Variants in ECD observed in about 807,000 individuals in gnomAD.
ECD encodes the protein protein ecdysoneless homolog.
In ECD, 59 loss-of-function variants were observed where a neutral mutation model predicts 77.2. That is an observed-to-expected ratio of 0.76 (90% CI 0.62 to 0.95). The LOEUF (loss-of-function observed/expected upper bound fraction) is 0.95. ECD is among the 40% of genes least tolerant of loss of function. The pLI, the probability that ECD is intolerant of heterozygous loss-of-function variation, is 0.00. For synonymous variants in ECD, 233 were observed against 267.4 expected, an observed-to-expected ratio of 0.87 and a Z score of 1.26; for missense variants, 704 against 763.4, an observed-to-expected ratio of 0.92 and a Z score of 0.92.
At chr10:73,138,953 T>C (rs58408264) in intron 11 of ECD, among the ~76,000 whole-genome samples, 23,832 of 152,004 alleles carry the variant, frequency 0.16, 3,089 homozygotes, top group African/African-American at 0.33. Context: ...TCTGATGAAT[T>C]CCTTTTTCAG....
At chr10:73,145,847 G>T (rs945223968) in intron 9 of ECD, among the ~76,000 whole-genome samples, 9 of 152,040 alleles carry the variant, frequency 5.9e-5, no homozygotes, top group Admixed American at 5.2e-4. Flanking sequence ...GTTTCACCAT[G>T]TTGACCAGGA....
At chr10:73,140,742 TTCCTTTTTG>T (rs757537239) in intron 9 of ECD, among the ~76,000 whole-genome samples, 6 of 150,794 alleles carry the variant, frequency 4.0e-5, no homozygotes, top group Non-Finnish European at 8.8e-5. Flanking sequence ...ACAATTGGCC[TTCCTTTTTG>T]GCTCTGAAGC....
chr10:73,161,081 C>T (rs1448651301), intron 2 of ECD, among the ~76,000 whole-genome samples: 4 of 151,680 alleles, frequency 2.6e-5, no homozygotes, highest in Non-Finnish European at 4.4e-5. Flanking sequence ...GCACATCATA[C>T]CAAAACTTAA....
At position 73,136,980 on chromosome 10, in the gene ECD, TTATTA is replaced by T. The variant is rs201836197; in HGVS notation, c.1490-67_1490-63del. On this transcript the variant is annotated intron_variant, in intron 12 of 13. Coordinates refer to ENST00000372979, the MANE Select transcript of ECD (RefSeq NM_007265.3). Reference sequence around the variant, plus strand: ...ATTATTATTATTATTATTATTATTATTATTATTTAGTTACTACACATCTCAAAATA... The same window carrying T: ...ATTATTATTATTATTATTATTATTATTTTAGTTACTACACATCTCAAAATA... 0.024 allele frequency: 21,553 copies of T among 916,732 alleles called. 2,649 individuals carry two copies. The African/African-American group carries it at 0.29, about 12-fold the overall frequency. 56.8% of individuals were successfully genotyped at this position (916,732 alleles called of 1,614,324 possible). A position where few individuals can be genotyped will look rare whatever the true frequency, so the allele number is the denominator to read the frequency against.
rs1843294578 is a variant in ECD, at chr10:73,156,277, T to G, written c.588A>C (p.Arg196Ser). The G allele has an allele frequency of 1.3e-6, 2 of 1,576,706 alleles. No individual in the cohort carries two copies. The highest frequency in any genetic ancestry group is 2.0e-5 in the Admixed American group (1 of 51,136). The change falls in exon 5 of 14, where the codon AGA (arginine) becomes AGC (serine). Residue 196 changes from arginine (R) to serine (S), a missense_variant and splice_region_variant. Around this residue, in one of 3 missense-constraint regions of ECD, gnomAD observed 559 missense variants for 583.7 expected, o/e 0.96. Transcript: ENST00000372979. ...SIRAAVNRRI[R>S]GYPEKIQASL... ...AATGAAAGTGATATTTTTCTTACCC[T>G]CTGATGCGCCTATTCACAGCAGCTC... is the stretch of plus-strand genomic sequence containing the variant.
At position 73,160,504 on chromosome 10, in the gene ECD, T is replaced by A. The variant is rs766465445; in HGVS notation, c.253A>T (p.Ile85Phe). 1.9e-6 allele frequency: 3 copies of A among 1,612,060 alleles called. No homozygotes were observed. The highest frequency in any genetic ancestry group is 4.5e-5 in the East Asian group (2 of 44,826). Residue 85 changes from isoleucine to phenylalanine, a missense_variant, in exon 3 of 14, where the codon ATT becomes TTT. Physicochemically the swap from Ile to Phe is conservative, Grantham distance 21. Coordinates refer to ENST00000372979, the MANE Select transcript of ECD (RefSeq NM_007265.3). The part of the protein sequence containing the change: ...MFGVTKFGDN[I>F]EDEWFIVYVI... ...TAAACAATAAACCATTCATCCTCAATGTTATCCCCAAACTTTGTCACGCCA... is the reference window on the plus strand; with the variant it reads ...TAAACAATAAACCATTCATCCTCAAAGTTATCCCCAAACTTTGTCACGCCA...
chr10:73,154,257 G>A lies in ECD; in HGVS notation c.782C>T (p.Ser261Leu), dbSNP rs199525944. 85 of 1,590,520 alleles carry A rather than the reference G, an allele frequency of 5.3e-5. No individual in the cohort carries two copies. Among genetic ancestry groups the A allele is most frequent in the Non-Finnish European group, 6.3e-5 (74 of 1,168,314 alleles). The change falls in exon 6 of 14, where the codon TCG becomes TTG. Residue 261 changes from serine to leucine, a missense_variant and splice_region_variant. By Grantham distance (145) the Ser-to-Leu change is moderately radical. Transcript: ENST00000372979. ...AAATGACCAAGATAGAAATCTCACC[G>A]ATGTCATTATTCGTGTTTCAGGCAA... ...TFLPETRIMT[S>L]VTFTKCLYAQ...
Position 73,134,026 on chromosome 10 carries a change from T to C in ECD, c.*557A>G, listed in dbSNP as rs1173392237. 6.5e-6 allele frequency: 1 copy of C among 152,694 alleles called. No homozygotes were observed. The allele number at this position is 152,694 out of a possible 1,614,324, so 9.5% of individuals were successfully genotyped here. On this transcript the variant is annotated 3_prime_UTR_variant, in exon 14 of 14. Transcript: ENST00000372979. The stretch of plus-strand genomic sequence containing the variant: ...CTAAAAACCACTGAATTGTATAATT[T>C]AAAGGGTAAATTTTTTGGTATGTGA...
chr10:73,137,204 A>T (rs1009943575), intron 12 of ECD, among the ~76,000 whole-genome samples: 3 of 152,174 alleles, frequency 2.0e-5, no homozygotes, highest in Non-Finnish European at 2.9e-5. Flanking sequence ...AAAAATTTTT[A>T]AAAATACCTA....
intron 9 of ECD, 109 bp from the exon 10 acceptor site, chr10:73,139,846 A>ATTT: frequency 1.3e-5 from 6 of 471,978 alleles, no homozygotes; most frequent in East Asian, 5.3e-5. Flanking sequence ...TAATTTGGGG[A>ATTT]GTGTTTTTTT....
chr10:73,137,734 C>T (rs1450556496), intron 12 of ECD, among the ~76,000 whole-genome samples: 1 of 151,052 alleles, frequency 6.6e-6, no homozygotes, highest in African/African-American at 2.5e-5. Flanking sequence ...CGAGATCGTG[C>T]CACTGCACTC....
At chr10:73,134,920 T>A in intron 13 of ECD, 107 bp from the exon 14 acceptor site, 1 of 963,590 alleles carries the variant, frequency 1.0e-6, no homozygotes, top group Non-Finnish European at 1.5e-6. Context: ...CATTCCAAAT[T>A]AAAAAGGAAA....
intron 1 of ECD, among the ~76,000 whole-genome samples, chr10:73,167,478 A>G (rs1370989298): frequency 6.6e-6 from 1 of 152,122 alleles, no homozygotes. Context: ...AAAGAAAGAA[A>G]TGGCGGTGGA....
chr10:73,153,092 T>C (rs1373501688), intron 6 of ECD, among the ~76,000 whole-genome samples: 1 of 151,906 alleles, frequency 6.6e-6, no homozygotes, highest in Non-Finnish European at 1.5e-5. Context: ...CATGGCTCAC[T>C]GAAGCCTCAG....
At chr10:73,148,089 A>C (rs1843151622) in intron 8 of ECD, among the ~76,000 whole-genome samples, 187 bp downstream of exon 8, 1 of 152,138 alleles carries the variant, frequency 6.6e-6, no homozygotes, top group Non-Finnish European at 1.5e-5. Context: ...GTTTTTCTCT[A>C]ATACTGGAAA....
At chr10:73,157,292 C>T (rs976138483) in intron 3 of ECD, among the ~76,000 whole-genome samples, 8 of 151,554 alleles carry the variant, frequency 5.3e-5, no homozygotes, top group African/African-American at 1.2e-4. Context: ...TCAAGTGATC[C>T]GCTCACCTCA....
At position 73,163,756 on chromosome 10, in the gene ECD, T is replaced by G; in HGVS notation, c.182A>C (p.Asn61Thr). Residue 61 changes from asparagine to threonine, a missense_variant, in exon 2 of 14, where the codon AAT (asparagine) becomes ACT (threonine). Transcript: ENST00000372979. ...ACCTTTCCCAGGTTTATATTTAAGA[T>G]TGAAAGGCTGATTCTGCCAGATGTA... is the stretch of plus-strand genomic sequence containing the variant. ...VPYIWQNQPF[N>T]LKYKPGKGGV... 1.2e-6 allele frequency: 2 copies of G among 1,614,120 alleles called. No individual in the cohort carries two copies. Among genetic ancestry groups the G allele is most frequent in the East Asian group, 4.5e-5 (2 of 44,872 alleles).
chr10:73,152,258 A>T (rs1843220760), intron 7 of ECD, 35 bp downstream of exon 7: 1 of 1,603,714 alleles, frequency 6.2e-7, no homozygotes, highest in East Asian at 2.3e-5. Context: ...CATTTACATA[A>T]AGAAAGGAAA....
At chr10:73,164,015 T>C in intron 1 of ECD, 65 bp from the exon 2 acceptor site, 8 of 1,386,438 alleles carry the variant, frequency 5.8e-6, no homozygotes, top group African/African-American at 1.4e-5. Flanking sequence ...TGAACTCTTT[T>C]AGATGGTTCT....
Sources: gnomAD v4.1 joint callset for allele counts (sites outside exome capture counted in the v4.1 genomes callset) on GRCh38, gnomAD v4.1.1 for gene constraint, gnomAD v4.1.1 regional missense constraint, MANE v1.5 for transcripts, NCBI Gene and HGNC (gene_info 2026-07-23, HGNC 2026-07-21) for gene names.